KSR2: variants seen among roughly 807,000 people sequenced by gnomAD.
The protein encoded by KSR2 is kinase suppressor of ras 2.
A neutral mutation model predicts 107.8 loss-of-function variants in KSR2; 25 were observed. The ratio of observed to expected loss-of-function variants is 0.23; its 90% CI spans 0.17 to 0.32. KSR2 has a LOEUF of 0.32. KSR2 is among the 10% of genes least tolerant of loss of function. KSR2 has a pLI of 1.00. For synonymous variants in KSR2, 480 were observed against 507.0 expected, an observed-to-expected ratio of 0.95 and a Z score of 0.71; for missense variants, 887 against 1,268.9, an observed-to-expected ratio of 0.70 and a Z score of 4.57.
At chr12:117,833,671 G>C (rs149800600) in intron 3 of KSR2, among the ~76,000 whole-genome samples, 1 of 151,994 alleles carries the variant, frequency 6.6e-6, no homozygotes, top group Non-Finnish European at 1.5e-5. Context: ...GCCTGGCCAG[G>C]GGTGCATTTT....
intron 3 of KSR2, among the ~76,000 whole-genome samples, chr12:117,798,598 A>G (rs933710019): frequency 6.6e-6 from 1 of 152,012 alleles, no homozygotes; most frequent in Admixed American, 6.6e-5. Flanking sequence ...GCACCATTGC[A>G]CTCCAGCCTG....
At chr12:117,954,459 G>A (rs986256670) in intron 1 of KSR2, among the ~76,000 whole-genome samples, 4 of 152,216 alleles carry the variant, frequency 2.6e-5, no homozygotes, top group South Asian at 2.1e-4. Flanking sequence ...AGATCCAGAC[G>A]GAGTGTCAGG....
intron 1 of KSR2, among the ~76,000 whole-genome samples, chr12:117,944,745 C>A (rs912201365): frequency 3.9e-5 from 6 of 151,940 alleles, no homozygotes; most frequent in African/African-American, 1.5e-4. Context: ...GTAGTCCCAG[C>A]TACTCAGAAG....
chr12:117,783,731 T>G (rs892741623), intron 3 of KSR2, among the ~76,000 whole-genome samples: 2 of 152,178 alleles, frequency 1.3e-5, no homozygotes, highest in African/African-American at 4.8e-5. Flanking sequence ...TTAGGAACTG[T>G]GCTTTGGAAA....
In KSR2 at chr12:117,761,190, G is replaced by T. The variant is rs1888998594; in HGVS notation, c.807C>A (p.Thr269=). ...RTPPRTPNIV[T]TVTPPGTPPM... Reference sequence around the variant, plus strand: ...GCGGCGTGCCCGGCGGGGTCACGGTGGTGACGATGTTGGGGGTGCGCGGCG... The same window carrying T: ...GCGGCGTGCCCGGCGGGGTCACGGTTGTGACGATGTTGGGGGTGCGCGGCG... The change falls in exon 4 of 20, where the codon ACC becomes ACA. Residue 269 remains threonine (T), a synonymous_variant. Transcript: ENST00000339824. 1.9e-6 allele frequency: 3 copies of T among 1,592,570 alleles called. No homozygotes were observed. The African/African-American group carries it at 4.0e-5, about 21-fold the overall frequency.
intron 4 of KSR2, among the ~76,000 whole-genome samples, chr12:117,696,108 A>G (rs946699083): frequency 3.9e-5 from 6 of 152,278 alleles, no homozygotes; most frequent in Middle Eastern, 3.4e-3. Flanking sequence ...GGACTCCCCA[A>G]GTACCAAAAG....
At chr12:117,937,805 C>CAAA (rs148311682) in intron 1 of KSR2, among the ~76,000 whole-genome samples, 5 of 121,306 alleles carry the variant, frequency 4.1e-5, no homozygotes, top group Admixed American at 1.7e-4. Context: ...ACTAAAAATA[C>CAAA]AAAAAAAAAA....
chr12:117,549,284 G>C (rs1402327151), intron 9 of KSR2, among the ~76,000 whole-genome samples: 2 of 152,154 alleles, frequency 1.3e-5, no homozygotes, highest in African/African-American at 4.8e-5. Context: ...GGGCAGGTGA[G>C]GTTTTTCAAG....
intron 4 of KSR2, among the ~76,000 whole-genome samples, chr12:117,720,974 G>A (rs958334319): frequency 6.6e-6 from 1 of 152,200 alleles, no homozygotes; most frequent in African/African-American, 2.4e-5. Flanking sequence ...GACAGGTATT[G>A]ACTACAGATC....
chr12:117,811,038 G>T (rs1891172681), intron 3 of KSR2, among the ~76,000 whole-genome samples: 1 of 152,148 alleles, frequency 6.6e-6, no homozygotes, highest in Admixed American at 6.5e-5. Flanking sequence ...CCCATCAATT[G>T]GTTGCTTCCC....
chr12:117,632,715 G>C (rs1303358702), intron 5 of KSR2, among the ~76,000 whole-genome samples: 1 of 152,080 alleles, frequency 6.6e-6, no homozygotes, highest in Non-Finnish European at 1.5e-5. Context: ...GTAGGCCCTG[G>C]TGTCTGTTGT....
chr12:117,739,737 C>T (rs1008171187), intron 4 of KSR2, among the ~76,000 whole-genome samples: 4 of 152,086 alleles, frequency 2.6e-5, no homozygotes, highest in Admixed American at 6.5e-5. Context: ...AGACTAGAAA[C>T]AACTGGACAG....
chr12:117,469,032 C>T (rs1483163335), intron 19 of KSR2, among the ~76,000 whole-genome samples: 1 of 152,110 alleles, frequency 6.6e-6, no homozygotes, highest in Non-Finnish European at 1.5e-5. Context: ...CTTTTACCTT[C>T]TAGAGAGCTC....
chr12:117,670,667 C>A (rs1399164158), intron 4 of KSR2, among the ~76,000 whole-genome samples: 1 of 152,142 alleles, frequency 6.6e-6, no homozygotes, highest in African/African-American at 2.4e-5. Flanking sequence ...CCAGAACCAC[C>A]CAGAAACCCC....
intron 4 of KSR2, among the ~76,000 whole-genome samples, chr12:117,745,820 TC>T (rs1354844223): frequency 1.3e-5 from 2 of 151,914 alleles, no homozygotes; most frequent in Non-Finnish European, 2.9e-5. Flanking sequence ...ATGAATGAAC[TC>T]CCATTCACAA....
chr12:117,462,097 A>C lies in KSR2; in HGVS notation c.*5102T>G, dbSNP rs995979845. On this transcript the variant is annotated 3_prime_UTR_variant, in exon 20 of 20. Transcript: ENST00000339824. ...GTTGATTGGGGCAAGCTTGGTAAGC[A>C]TGACAGCAACAGCCTGACCTTGTAG... 6.6e-6 allele frequency: 1 copy of C among 152,084 alleles called. No individual in the cohort carries two copies. Among genetic ancestry groups the C allele is most frequent in the Non-Finnish European group, 1.5e-5 (1 of 68,036 alleles). 9.4% of individuals were successfully genotyped at this position (152,084 alleles called of 1,614,324 possible).
chr12:117,922,375 G>A (rs2137463982), intron 1 of KSR2, among the ~76,000 whole-genome samples: 1 of 152,308 alleles, frequency 6.6e-6, no homozygotes, highest in African/African-American at 2.4e-5. Flanking sequence ...GGCTGGAAAA[G>A]TGCCTGTCAA....
chr12:117,499,820 C>T (rs372003722), intron 14 of KSR2, among the ~76,000 whole-genome samples: 2 of 152,110 alleles, frequency 1.3e-5, no homozygotes, highest in Non-Finnish European at 2.9e-5. Flanking sequence ...CAGGCAGACG[C>T]GTGGTAGGCA....
At chr12:117,709,751 C>G (rs761770267) in intron 4 of KSR2, among the ~76,000 whole-genome samples, 3 of 152,206 alleles carry the variant, frequency 2.0e-5, no homozygotes, top group Non-Finnish European at 4.4e-5. Flanking sequence ...CCAGATAACT[C>G]TTAGTTGTGA....
Sources: gnomAD v4.1 joint callset for allele counts (sites outside exome capture counted in the v4.1 genomes callset) on GRCh38, gnomAD v4.1.1 for gene constraint, MANE v1.5 for transcripts, NCBI Gene and HGNC (gene_info 2026-07-23, HGNC 2026-07-21) for gene names.